ERC1: variants seen among roughly 807,000 people sequenced by gnomAD.
The protein encoded by ERC1 is RAB6 interacting protein 2.
A neutral mutation model predicts 132.0 loss-of-function variants in ERC1; 56 were observed. The ratio of observed to expected loss-of-function variants is 0.42; its 90% CI spans 0.34 to 0.53. The LOEUF is 0.53. ERC1 is among the 20% of genes least tolerant of loss of function. ERC1 has a pLI of 0.03. For synonymous variants in ERC1, 478 were observed against 476.1 expected, an observed-to-expected ratio of 1.00 and a Z score of -0.05; for missense variants, 1,202 against 1,349.9, an observed-to-expected ratio of 0.89 and a Z score of 1.72.
At chr12:1,429,124 A>G (rs1008879169) in intron 17 of ERC1, among the ~76,000 whole-genome samples, 3 of 152,320 alleles carry the variant, frequency 2.0e-5, no homozygotes, top group Non-Finnish European at 4.4e-5. Context: ...GATAGTCACT[A>G]CTGAACACAT....
chr12:1,295,739 C>T (rs1352128305), intron 15 of ERC1, among the ~76,000 whole-genome samples: 3 of 151,714 alleles, frequency 2.0e-5, no homozygotes, highest in East Asian at 1.9e-4. Flanking sequence ...GATAGAGAAG[C>T]CTGGGAAATA....
In ERC1 at chr12:1,056,906, C is replaced by CT. The variant is rs1276169567; in HGVS notation, c.670-26257dup. ...AAAAGGGGAAATTACGCCGAGGACT[C>CT]TATTGCCCTTATTATCTGCGTAAAT... On this transcript the variant is annotated intron_variant, in intron 2 of 18. Transcript: ENST00000360905. 1.6e-4 allele frequency among the ~76,000 whole-genome samples: 25 copies of CT among 152,298 alleles called. No individual in the cohort carries two copies. The South Asian group carries it at 1.9e-3, about 11-fold the overall frequency.
chr12:1,152,444 T>C (rs1950922438), intron 8 of ERC1: 1 of 152,874 alleles, frequency 6.5e-6, no homozygotes, highest in East Asian at 1.9e-4. Context: ...CCTTTGCCTC[T>C]CATGGAGGCT....
intron 1 of ERC1, among the ~76,000 whole-genome samples, chr12:1,001,884 G>A (rs537496427): frequency 2.3e-4 from 31 of 132,062 alleles, no homozygotes; most frequent in African/African-American, 9.1e-4. Context: ...TTCCTGAGAC[G>A]GAGTCTCGCT....
chr12:1,351,363 TAGTTGTGTACAGAA>T (rs776069283), intron 15 of ERC1, among the ~76,000 whole-genome samples: 1 of 152,250 alleles, frequency 6.6e-6, no homozygotes, highest in Non-Finnish European at 1.5e-5. Context: ...AGAGTATGTT[TAGTTGTGTACAGAA>T]CTGCCAAACT....
intron 17 of ERC1, among the ~76,000 whole-genome samples, chr12:1,421,044 G>A (rs570356177): frequency 2.6e-5 from 4 of 151,556 alleles, no homozygotes; most frequent in Non-Finnish European, 5.9e-5. Context: ...TTTGATAAAT[G>A]TGTATAATGT....
chr12:1,238,264 C>A (rs1244447871), intron 13 of ERC1, among the ~76,000 whole-genome samples: 3 of 148,628 alleles, frequency 2.0e-5, no homozygotes, highest in African/African-American at 7.4e-5. Flanking sequence ...TTTTTCAAGT[C>A]TTGAATTTTC....
In ERC1 at chr12:1,302,974, G is replaced by T. The variant is rs114876844; in HGVS notation, c.2780+12962G>T. Among the ~76,000 whole-genome samples the T allele has an allele frequency of 5.1e-3, 781 of 152,112 alleles. 10 individuals carry two copies. The highest frequency in any genetic ancestry group is 0.018 in the African/African-American group (753 of 41,502). On this transcript the variant is annotated intron_variant, in intron 15 of 18. Coordinates refer to ENST00000360905, the MANE Select transcript of ERC1 (RefSeq NM_178040.4). ...TGAGATCTTGTCTCGAAAAGAAAAA[G>T]TTATATGTACACTATGCTATAGTCT...
Position 1,132,081 on chromosome 12 carries a change from A to G in ERC1, c.1570-9539A>G, listed in dbSNP as rs537465085. 5.3e-5 allele frequency among the ~76,000 whole-genome samples: 8 copies of G among 152,290 alleles called. No homozygotes were observed. In the South Asian group the frequency reaches 1.7e-3, roughly 32 times the overall value. Reference sequence around the variant, plus strand: ...TTTGTAAAATATGGACCTCACGCAAAATTATACTACAAATTTAGTTCACTC... The same window carrying G: ...TTTGTAAAATATGGACCTCACGCAAGATTATACTACAAATTTAGTTCACTC... On this transcript the variant is annotated intron_variant, in intron 7 of 18. Transcript: ENST00000360905.
intron 16 of ERC1, among the ~76,000 whole-genome samples, chr12:1,392,106 T>C (rs1056983694): frequency 6.6e-6 from 1 of 151,940 alleles, no homozygotes; most frequent in East Asian, 1.9e-4. Context: ...AGGGCAGAGA[T>C]TGGGCTCAAC....
At chr12:1,039,765 A>G (rs1237555163) in intron 2 of ERC1, among the ~76,000 whole-genome samples, 2 of 152,230 alleles carry the variant, frequency 1.3e-5, no homozygotes, top group Non-Finnish European at 2.9e-5. Context: ...AGGTACATGC[A>G]TATAGATGTT....
At chr12:1,057,093 A>T (rs1360277421) in intron 2 of ERC1, among the ~76,000 whole-genome samples, 1 of 152,192 alleles carries the variant, frequency 6.6e-6, no homozygotes, top group African/African-American at 2.4e-5. Flanking sequence ...AACATGGCAG[A>T]AATACCATGG....
intron 14 of ERC1, among the ~76,000 whole-genome samples, chr12:1,286,581 A>G (rs1473847075): frequency 1.3e-5 from 2 of 152,184 alleles, no homozygotes; most frequent in African/African-American, 2.4e-5. Flanking sequence ...TGTAGTAGTC[A>G]TTCTAGATTA....
Position 1,388,165 on chromosome 12 carries a change from C to T in ERC1, c.2925+16188C>T, listed in dbSNP as rs574112169. ...TCAGGAGGTCAGAAGATCGAGACCA[C>T]GGTGAAACCCTGTCTCTGTTAAAAA... On this transcript the variant is annotated intron_variant, in intron 16 of 18. Coordinates refer to ENST00000360905, the MANE Select transcript of ERC1 (RefSeq NM_178040.4). 3.6e-4 allele frequency among the ~76,000 whole-genome samples: 54 copies of T among 151,826 alleles called. 1 individual carries two copies. Among genetic ancestry groups the T allele is most frequent in the African/African-American group, 1.0e-3 (43 of 41,414 alleles).
At chr12:1,242,947 G>A (rs2075905423) in intron 13 of ERC1, among the ~76,000 whole-genome samples, 1 of 152,132 alleles carries the variant, frequency 6.6e-6, no homozygotes, top group African/African-American at 2.4e-5. Flanking sequence ...CAGCACTTTG[G>A]GAGGCCGAGG....
At chr12:1,077,074 A>G (rs531565973) in intron 2 of ERC1, among the ~76,000 whole-genome samples, 2 of 152,326 alleles carry the variant, frequency 1.3e-5, no homozygotes, top group South Asian at 4.1e-4. Flanking sequence ...ACATGTATTT[A>G]TATGTTTCAG....
chr12:1,039,608 G>A (rs981919580), intron 2 of ERC1, among the ~76,000 whole-genome samples: 2 of 152,024 alleles, frequency 1.3e-5, no homozygotes, highest in African/African-American at 4.8e-5. Context: ...ATTGAGATTG[G>A]GGAACTCTTT....
intron 1 of ERC1, among the ~76,000 whole-genome samples, chr12:1,013,726 GTCTT>G (rs1448558562): frequency 2.0e-5 from 3 of 152,094 alleles, no homozygotes; most frequent in African/African-American, 4.8e-5. Context: ...TTTTCTTTCT[GTCTT>G]TCTGTCTGTC....
chr12:1,136,442 C>T (rs906646140), intron 7 of ERC1, among the ~76,000 whole-genome samples: 3 of 152,124 alleles, frequency 2.0e-5, no homozygotes, highest in Non-Finnish European at 4.4e-5. Flanking sequence ...TGTTGCAGCA[C>T]TTTCTATAAT....
Sources: gnomAD v4.1 joint callset for allele counts (sites outside exome capture counted in the v4.1 genomes callset) on GRCh38, gnomAD v4.1.1 for gene constraint, MANE v1.5 for transcripts, NCBI Gene and HGNC (gene_info 2026-07-23, HGNC 2026-07-21) for gene names.